Variants in CDK14 observed in about 807,000 individuals in gnomAD.
The protein encoded by CDK14 is cyclin-dependent kinase 14.
A neutral mutation model predicts 60.7 loss-of-function variants in CDK14; 34 were observed. That is an observed-to-expected ratio of 0.56 (90% confidence interval 0.43 to 0.75). The LOEUF is 0.75. CDK14 is among the 30% of genes least tolerant of loss of function. CDK14 has a pLI of 0.00. For missense variants in CDK14, 482 were observed against 564.1 expected (o/e 0.85, Z 1.47); for synonymous variants, 197 against 203.7 (o/e 0.97, Z 0.28).
intron 2 of CDK14, among the ~76,000 whole-genome samples, chr7:90,606,028 C>T (rs1400003389): frequency 6.6e-6 from 1 of 152,176 alleles, no homozygotes; most frequent in South Asian, 2.1e-4. Flanking sequence ...GGGTCAAAAT[C>T]ATCCTTAGCT....
At chr7:91,062,165 G>A (rs1343880619) in intron 11 of CDK14, among the ~76,000 whole-genome samples, 1 of 152,176 alleles carries the variant, frequency 6.6e-6, no homozygotes, top group Non-Finnish European at 1.5e-5. Flanking sequence ...TGCTAGCAAT[G>A]ACCGAGGCTC....
Position 90,920,925 on chromosome 7 carries a change from A to C in CDK14, c.826+3201A>C, listed in dbSNP as rs148155626. On this transcript the variant is annotated intron_variant, in intron 8 of 14. Transcript: ENST00000380050. ...TACAGCTCTGAATTCCAGGTAGTCA[A>C]AATGCTGTAACTATTTTTTTTTTCT... Among the ~76,000 whole-genome samples the C allele has an allele frequency of 5.4e-3, 805 of 150,360 alleles. 8 individuals carry two copies. Among genetic ancestry groups the C allele is most frequent in the African/African-American group, 0.018 (758 of 41,130 alleles).
At chr7:90,641,534 A>G (rs1034641474) in intron 2 of CDK14, among the ~76,000 whole-genome samples, 2 of 152,028 alleles carry the variant, frequency 1.3e-5, no homozygotes, top group African/African-American at 4.8e-5. Context: ...AGGACCACAT[A>G]TTGTATGATT....
chr7:91,129,467 A>C (rs536107644), intron 14 of CDK14, among the ~76,000 whole-genome samples: 1 of 152,298 alleles, frequency 6.6e-6, no homozygotes, highest in South Asian at 2.1e-4. Context: ...AAGTTTGCCT[A>C]AGTCATTTCC....
intron 7 of CDK14, among the ~76,000 whole-genome samples, chr7:90,906,870 A>G (rs752625578): frequency 6.6e-6 from 1 of 152,060 alleles, no homozygotes; most frequent in African/African-American, 2.4e-5. Context: ...ATTTTTCTTG[A>G]TGCGTATTTC....
chr7:90,900,327 G>A (rs1337511413), intron 7 of CDK14, among the ~76,000 whole-genome samples: 1 of 151,932 alleles, frequency 6.6e-6, no homozygotes, highest in African/African-American at 2.4e-5. Context: ...TCTTCTTTTT[G>A]TGTTTTATTA....
At chr7:90,892,903 C>CA (rs1792180274) in intron 6 of CDK14, among the ~76,000 whole-genome samples, 1 of 152,172 alleles carries the variant, frequency 6.6e-6, no homozygotes, top group African/African-American at 2.4e-5. Context: ...CTCTGCCTCC[C>CA]AATTAGCTGG....
intron 10 of CDK14, among the ~76,000 whole-genome samples, chr7:91,042,580 C>G (rs1041582711): frequency 3.3e-5 from 5 of 151,662 alleles, no homozygotes; most frequent in Non-Finnish European, 4.4e-5. Flanking sequence ...AGGAGATGGA[C>G]AAGCCACAGA....
At chr7:90,726,227 C>A in intron 2 of CDK14, 1 of 786,652 alleles carries the variant, frequency 1.3e-6, no homozygotes, top group Non-Finnish European at 1.5e-6. Context: ...GTTACCCAAC[C>A]TCTTAATGAT....
chr7:91,135,150 T>C (rs1639299981), intron 14 of CDK14, among the ~76,000 whole-genome samples: 1 of 151,954 alleles, frequency 6.6e-6, no homozygotes, highest in Admixed American at 6.6e-5. Flanking sequence ...AATTTCCACC[T>C]TCACTTCATC....
chr7:91,114,049 T>C (rs1799543201), intron 13 of CDK14, among the ~76,000 whole-genome samples: 1 of 152,188 alleles, frequency 6.6e-6, no homozygotes, highest in Admixed American at 6.6e-5. Context: ...GGGAAAATAA[T>C]TTTCCTATAC....
intron 7 of CDK14, among the ~76,000 whole-genome samples, chr7:90,916,664 T>C (rs1322145416): frequency 6.6e-6 from 1 of 152,202 alleles, no homozygotes; most frequent in Non-Finnish European, 1.5e-5. Context: ...GACTAGAATA[T>C]TGGTGGCACT....
At chr7:91,064,366 A>G (rs999647994) in intron 11 of CDK14, among the ~76,000 whole-genome samples, 7 of 152,208 alleles carry the variant, frequency 4.6e-5, no homozygotes, top group Non-Finnish European at 1.0e-4. Context: ...GTCTAAGTTC[A>G]CATCTCTGCT....
chr7:90,599,235 TAAAG>T (rs957845318), intron 1 of CDK14, among the ~76,000 whole-genome samples: 3 of 137,454 alleles, frequency 2.2e-5, no homozygotes, highest in Admixed American at 7.1e-5. Flanking sequence ...GCACATTAAA[TAAAG>T]ACTCAGTAAA....
chr7:90,814,700 G>A (rs939865197), intron 5 of CDK14, among the ~76,000 whole-genome samples: 4 of 152,112 alleles, frequency 2.6e-5, no homozygotes, highest in African/African-American at 7.2e-5. Flanking sequence ...TGCTTGAACC[G>A]AGGAGGTGGA....
At chr7:91,023,589 AATAG>A (rs1209077964) in intron 10 of CDK14, among the ~76,000 whole-genome samples, 3 of 152,200 alleles carry the variant, frequency 2.0e-5, no homozygotes, top group African/African-American at 7.2e-5. Context: ...AATTATAGGG[AATAG>A]ATAGACAAAT....
At chr7:90,841,498 A>G (rs1790288648) in intron 5 of CDK14, among the ~76,000 whole-genome samples, 1 of 152,100 alleles carries the variant, frequency 6.6e-6, no homozygotes, top group Non-Finnish European at 1.5e-5. Flanking sequence ...AATATACAAT[A>G]TTGTTAAATT....
chr7:91,099,035 AC>A (rs1562903965), intron 12 of CDK14, among the ~76,000 whole-genome samples: 1 of 152,166 alleles, frequency 6.6e-6, no homozygotes, highest in East Asian at 1.9e-4. Flanking sequence ...ATAATATTAT[AC>A]AAAATTATGC....
chr7:90,733,128 G>A (rs554601368), intron 3 of CDK14, among the ~76,000 whole-genome samples: 9 of 152,206 alleles, frequency 5.9e-5, no homozygotes, highest in Admixed American at 2.6e-4. Flanking sequence ...AGGTTGTTCC[G>A]TTTCCATGTA....
Sources: gnomAD v4.1 joint callset for allele counts (sites outside exome capture counted in the v4.1 genomes callset) on GRCh38, gnomAD v4.1.1 for gene constraint, MANE v1.5 for transcripts, NCBI Gene and HGNC (gene_info 2026-07-23, HGNC 2026-07-21) for gene names.